Variants in GBE1 observed in about 807,000 individuals in gnomAD.
GBE1 encodes the protein 1,4-alpha-glucan branching enzyme 1.
A neutral mutation model predicts 88.8 loss-of-function variants in GBE1; 70 were observed. The observed-to-expected ratio is 0.79, with a 90% CI of 0.65 to 0.96. The LOEUF (loss-of-function observed/expected upper bound fraction) is 0.96. GBE1 is among the 40% of genes least tolerant of loss of function. The pLI is 0.00. For missense variants in GBE1, 872 were observed against 871.0 expected, an observed-to-expected ratio of 1.00 and a Z score of -0.01; for synonymous variants, 284 against 300.1, an observed-to-expected ratio of 0.95 and a Z score of 0.56.
At chr3:81,598,402 G>GT (rs1217905313) in intron 7 of GBE1, among the ~76,000 whole-genome samples, 1 of 7,816 alleles carries the variant, frequency 1.3e-4, no homozygotes, top group Admixed American at 2.2e-3. Context: ...GGTATAGAAT[G>GT]CCAAAAAAGT....
At chr3:81,661,392 A>G (rs1303360216) in intron 3 of GBE1, among the ~76,000 whole-genome samples, 1 of 152,206 alleles carries the variant, frequency 6.6e-6, no homozygotes, top group Non-Finnish European at 1.5e-5. Flanking sequence ...ATTCATTTGT[A>G]CAAGCATTAA....
chr3:81,556,275 T>C (rs769538240), intron 12 of GBE1, among the ~76,000 whole-genome samples: 4 of 151,714 alleles, frequency 2.6e-5, no homozygotes, highest in Non-Finnish European at 5.9e-5. Context: ...CTTTAAACAA[T>C]ATAAACAAAG....
chr3:81,585,981 A>G (rs1703798302), intron 10 of GBE1, 111 bp downstream of exon 10: 3 of 615,820 alleles, frequency 4.9e-6, no homozygotes, highest in Non-Finnish European at 8.2e-6. Context: ...AAAGAATTTA[A>G]TACTTCAATT....
chr3:81,695,212 T>C (rs1311603923), intron 2 of GBE1, among the ~76,000 whole-genome samples: 1 of 152,182 alleles, frequency 6.6e-6, no homozygotes, highest in Admixed American at 6.5e-5. Flanking sequence ...CACATTTTCA[T>C]AACAGTAAAA....
chr3:81,599,151 T>C (rs1396717061), intron 7 of GBE1, among the ~76,000 whole-genome samples: 1 of 152,200 alleles, frequency 6.6e-6, no homozygotes, highest in Non-Finnish European at 1.5e-5. Context: ...ATGATTCCAA[T>C]TAGACTTTTA....
chr3:81,748,565 C>T (rs1049029177), intron 1 of GBE1, among the ~76,000 whole-genome samples: 1 of 151,844 alleles, frequency 6.6e-6, no homozygotes, highest in Non-Finnish European at 1.5e-5. Flanking sequence ...GAGCCGAGAC[C>T]GCGCCACTGC....
chr3:81,556,411 T>A (rs1020915467), intron 12 of GBE1, among the ~76,000 whole-genome samples: 1 of 151,994 alleles, frequency 6.6e-6, no homozygotes, highest in African/African-American at 2.4e-5. Context: ...GAGTCCCTCA[T>A]AAACTGGCAC....
At chr3:81,732,957 C>G (rs953773314) in intron 1 of GBE1, among the ~76,000 whole-genome samples, 2 of 152,210 alleles carry the variant, frequency 1.3e-5, no homozygotes, top group Non-Finnish European at 2.9e-5. Context: ...CTGTCCCATA[C>G]AAACTCTTCT....
At chr3:81,623,938 GA>G (rs1270502412) in intron 7 of GBE1, among the ~76,000 whole-genome samples, 1 of 152,096 alleles carries the variant, frequency 6.6e-6, no homozygotes, top group Non-Finnish European at 1.5e-5. Context: ...CCCAAAGTAC[GA>G]AAATTACAAG....
At chr3:81,494,084 T>C (rs1466842347) in intron 15 of GBE1, among the ~76,000 whole-genome samples, 2 of 152,136 alleles carry the variant, frequency 1.3e-5, no homozygotes, top group East Asian at 3.9e-4. Context: ...TACTTTGTAA[T>C]AATATACATA....
intron 12 of GBE1, among the ~76,000 whole-genome samples, chr3:81,551,520 C>T (rs1479673149): frequency 6.6e-6 from 1 of 152,170 alleles, no homozygotes; most frequent in Non-Finnish European, 1.5e-5. Flanking sequence ...ATCTGATTGC[C>T]TCCCTTGGAG....
intron 3 of GBE1, among the ~76,000 whole-genome samples, chr3:81,665,618 A>T (rs1341520949): frequency 1.3e-5 from 2 of 152,058 alleles, no homozygotes; most frequent in Non-Finnish European, 2.9e-5. Context: ...TTTCTACATT[A>T]CATATAAGTG....
intron 1 of GBE1, among the ~76,000 whole-genome samples, chr3:81,725,196 A>G (rs1215266388): frequency 6.6e-6 from 1 of 152,160 alleles, no homozygotes; most frequent in African/African-American, 2.4e-5. Context: ...CTTAGCTTAC[A>G]GTAACTTTTC....
chr3:81,718,584 T>A (rs1285752525), intron 1 of GBE1, among the ~76,000 whole-genome samples: 1 of 152,164 alleles, frequency 6.6e-6, no homozygotes, highest in Admixed American at 6.5e-5. Context: ...CTCCAAAGCA[T>A]TGGTCCTTGA....
intron 12 of GBE1, among the ~76,000 whole-genome samples, chr3:81,554,672 T>C (rs980744537): frequency 1.3e-5 from 2 of 152,134 alleles, no homozygotes; most frequent in African/African-American, 4.8e-5. Flanking sequence ...ATAAAAAAGA[T>C]TAGTAAGAAC....
chr3:81,624,408 T>C (rs961961899), intron 7 of GBE1, among the ~76,000 whole-genome samples: 12 of 152,182 alleles, frequency 7.9e-5, no homozygotes, highest in African/African-American at 2.9e-4. Context: ...TACTTAGGCA[T>C]CAACATTTGT....
chr3:81,632,607 G>A (rs1466851963), intron 7 of GBE1, among the ~76,000 whole-genome samples: 1 of 152,130 alleles, frequency 6.6e-6, no homozygotes, highest in Non-Finnish European at 1.5e-5. Context: ...CACTGTTGGT[G>A]GGGGTGTAAA....
intron 12 of GBE1, among the ~76,000 whole-genome samples, chr3:81,549,771 C>T (rs1159772949): frequency 6.6e-6 from 1 of 151,596 alleles, no homozygotes; most frequent in African/African-American, 2.4e-5. Flanking sequence ...ATTATTCTTG[C>T]TGTACTTTAT....
At chr3:81,509,043 T>C (rs1378903259) in intron 14 of GBE1, among the ~76,000 whole-genome samples, 1 of 152,110 alleles carries the variant, frequency 6.6e-6, no homozygotes, top group African/African-American at 2.4e-5. Flanking sequence ...ATTATTACTA[T>C]AGACCCTGGC....
Sources: gnomAD v4.1 joint callset for allele counts (sites outside exome capture counted in the v4.1 genomes callset) on GRCh38, gnomAD v4.1.1 for gene constraint, MANE v1.5 for transcripts, NCBI Gene and HGNC (gene_info 2026-07-23, HGNC 2026-07-21) for gene names.